The following AP2B1 variants were observed in gnomAD, a reference collection of about 807,000 sequenced individuals.
AP2B1 encodes AP-2 complex subunit beta.
Under a neutral mutation model 102.0 loss-of-function variants are expected in AP2B1, and 23 were observed. The observed-to-expected ratio is 0.23, with a 90% confidence interval of 0.16 to 0.32. The LOEUF is 0.32. Among genes scored for constraint, AP2B1 ranks in the 10% least tolerant of loss-of-function variants. The probability of loss-of-function intolerance (pLI) is 1.00; values close to 1 mark genes in which losing one functional copy is unlikely to be tolerated. For synonymous variants in AP2B1, 381 were observed against 421.2 expected (o/e 0.90, Z 1.17); for missense variants, 541 against 1,157.4 (o/e 0.47, Z 7.73).
rs2073750105 is a variant in AP2B1 at position 35,608,203 on chromosome 17, G to A, written c.341G>A (p.Arg114Gln). Residue 114 changes from arginine to glutamine, a missense_variant, in exon 5 of 22, where the codon CGG (arginine) becomes CAG (glutamine). Coordinates refer to ENST00000610402, the MANE Select transcript of AP2B1 (RefSeq NM_001030006.2). Reference protein sequence around the residue: ...ALAVRTMGCIRVDKITEYLCE... With the variant: ...ALAVRTMGCIQVDKITEYLCE... ...GCAGTCAGAACCATGGGGTGCATCC[G>A]GGTAGACAAAATTACAGAATATCTC... 5.0e-6 allele frequency: 8 copies of A among 1,614,056 alleles called. No homozygotes were observed. The highest frequency in any genetic ancestry group is 5.9e-6 in the Non-Finnish European group (7 of 1,180,020).
At chr17:35,677,094 A>T (rs2075718790) in intron 17 of AP2B1, among the ~76,000 whole-genome samples, 1 of 152,036 alleles carries the variant, frequency 6.6e-6, no homozygotes, top group African/African-American at 2.4e-5. Flanking sequence ...GGCTTAAGTG[A>T]TTCTCCCACC....
chr17:35,678,065 G>A (rs2075740392), intron 17 of AP2B1, among the ~76,000 whole-genome samples: 1 of 151,942 alleles, frequency 6.6e-6, no homozygotes, highest in South Asian at 2.1e-4. Flanking sequence ...TCACCATGTT[G>A]GCCAGGCTAA....
intron 9 of AP2B1, among the ~76,000 whole-genome samples, chr17:35,630,097 A>G (rs1184909031): frequency 6.6e-6 from 1 of 152,218 alleles, no homozygotes; most frequent in African/African-American, 2.4e-5. Flanking sequence ...GAACAAAAGG[A>G]GGCAGATGTG....
intron 5 of AP2B1, 61 bp from the exon 6 acceptor site, chr17:35,624,336 A>T: frequency 6.8e-7 from 1 of 1,474,324 alleles, no homozygotes; most frequent in Non-Finnish European, 9.3e-7. Context: ...AGGCTGATGA[A>T]GTGTTTGTCT....
chr17:35,649,000 A>G (rs1334874795), intron 12 of AP2B1, among the ~76,000 whole-genome samples: 2 of 151,958 alleles, frequency 1.3e-5, no homozygotes, highest in Non-Finnish European at 2.9e-5. Flanking sequence ...TTCAAGTGTT[A>G]CTCCTTTTGG....
chr17:35,692,041 CAACTA>C (rs1362473062), intron 18 of AP2B1, among the ~76,000 whole-genome samples: 1 of 152,190 alleles, frequency 6.6e-6, no homozygotes, highest in Non-Finnish European at 1.5e-5. Context: ...AACCAGCACT[CAACTA>C]CTGGTTTCTG....
At chr17:35,695,849 G>T (rs190322279) in intron 18 of AP2B1, among the ~76,000 whole-genome samples, 1 of 152,108 alleles carries the variant, frequency 6.6e-6, no homozygotes. Flanking sequence ...CTTGGTTGCC[G>T]TTGTCTCATC....
At chr17:35,659,667 CA>C (rs2075314359) in intron 14 of AP2B1, 1 of 306,782 alleles carries the variant, frequency 3.3e-6, no homozygotes, top group Non-Finnish European at 4.8e-6. Context: ...TCTAAATATG[CA>C]ACCTTTGCTA....
intron 4 of AP2B1, among the ~76,000 whole-genome samples, chr17:35,606,374 G>A (rs908316857): frequency 2.0e-5 from 3 of 151,788 alleles, no homozygotes; most frequent in Admixed American, 2.0e-4. Context: ...CAAGTAGCTG[G>A]GATTACAGGT....
chr17:35,649,310 C>T (rs1290256396), intron 12 of AP2B1, among the ~76,000 whole-genome samples: 1 of 152,036 alleles, frequency 6.6e-6, no homozygotes, highest in Non-Finnish European at 1.5e-5. Flanking sequence ...CTCTTATTGC[C>T]CAGGCGAGAG....
Position 35,711,618 on chromosome 17 carries a change from G to A in AP2B1, c.2626+1298G>A, listed in dbSNP as rs587748231. On this transcript the variant is annotated intron_variant, in intron 20 of 21. Transcript: ENST00000610402. ...AGAGTAGCTGGGACTACAGGCGCCA[G>A]CCACCACACCCGGCTAATTTTTTTG... Among the ~76,000 whole-genome samples, 26 of 152,176 alleles carry A rather than the reference G, an allele frequency of 1.7e-4. No individual in the cohort carries two copies. In the East Asian group the frequency reaches 4.5e-3, roughly 26 times the overall value.
At chr17:35,662,740 G>A (rs7208672) in intron 14 of AP2B1, among the ~76,000 whole-genome samples, 132,295 of 152,040 alleles carry the variant, frequency 0.87, 57,963 homozygotes, top group African/African-American at 0.97. Context: ...TTGAATCTCA[G>A]TTATTTTCTT....
chr17:35,646,718 A>G (rs1349017771), intron 12 of AP2B1, among the ~76,000 whole-genome samples: 1 of 151,384 alleles, frequency 6.6e-6, no homozygotes, highest in Non-Finnish European at 1.5e-5. Flanking sequence ...CCTCCCAAGT[A>G]GCTGGGATTA....
chr17:35,621,341 AG>A, intron 5 of AP2B1: 1 of 985,398 alleles, frequency 1.0e-6, no homozygotes, highest in South Asian at 4.7e-5. Context: ...CTTACGGACC[AG>A]GAAAACTGAG....
intron 18 of AP2B1, among the ~76,000 whole-genome samples, chr17:35,689,414 G>A (rs1328450125): frequency 6.6e-6 from 1 of 152,050 alleles, no homozygotes; most frequent in Non-Finnish European, 1.5e-5. Context: ...TCCTGACCTT[G>A]GGTGATCCGC....
chr17:35,667,277 A>G (rs531501678), intron 14 of AP2B1, among the ~76,000 whole-genome samples: 119 of 152,330 alleles, frequency 7.8e-4, no homozygotes, highest in Admixed American at 2.3e-3. Flanking sequence ...AATAGTCCGC[A>G]TAAGCTGTAG....
chr17:35,664,632 G>A (rs535583648), intron 14 of AP2B1, among the ~76,000 whole-genome samples: 3 of 152,166 alleles, frequency 2.0e-5, no homozygotes, highest in Admixed American at 6.5e-5. Flanking sequence ...TTATATTTAC[G>A]AAACATTCAT....
chr17:35,639,886 C>CA (rs2074717653), intron 11 of AP2B1, 126 bp downstream of exon 11: 1 of 804,352 alleles, frequency 1.2e-6, no homozygotes, highest in Non-Finnish European at 1.9e-6. Context: ...ATTTTTCTCC[C>CA]AACAGGGATG....
intron 18 of AP2B1, among the ~76,000 whole-genome samples, chr17:35,707,206 T>C (rs1286794037): frequency 1.3e-5 from 2 of 151,948 alleles, no homozygotes; most frequent in African/African-American, 4.8e-5. Context: ...CAGGCTGGAG[T>C]GCAGTGACAC....
Sources: gnomAD v4.1 joint callset for allele counts (sites outside exome capture counted in the v4.1 genomes callset) on GRCh38, gnomAD v4.1.1 for gene constraint, MANE v1.5 for transcripts, NCBI Gene and HGNC (gene_info 2026-07-23, HGNC 2026-07-21) for gene names.